Variants in GALNT18 observed in about 807,000 individuals in gnomAD.
GALNT18 encodes GalNAc-transferase 18.
A neutral mutation model predicts 69.5 loss-of-function variants in GALNT18; 44 were observed. That is an observed-to-expected ratio of 0.63 (90% CI 0.50 to 0.81). The LOEUF (loss-of-function observed/expected upper bound fraction) is 0.81, where lower values mean the gene tolerates loss of function less well. GALNT18 is among the 40% of genes least tolerant of loss of function. The pLI is 0.00. For missense variants in GALNT18, 715 were observed against 810.0 expected (o/e 0.88, Z 1.42); for synonymous variants, 364 against 318.2 (o/e 1.14, Z -1.53).
intron 1 of GALNT18, among the ~76,000 whole-genome samples, chr11:11,537,625 G>C (rs1185261600): frequency 6.6e-6 from 1 of 152,134 alleles, no homozygotes; most frequent in Non-Finnish European, 1.5e-5. Context: ...ACTGGGTCTG[G>C]AGGAAGCAGG....
intron 8 of GALNT18, among the ~76,000 whole-genome samples, chr11:11,329,570 G>A (rs1211948052): frequency 1.3e-5 from 2 of 152,202 alleles, no homozygotes; most frequent in South Asian, 2.1e-4. Context: ...AGTCTGGTAT[G>A]AGACCACATT....
intron 3 of GALNT18, among the ~76,000 whole-genome samples, chr11:11,384,569 A>C (rs1854004216): frequency 6.6e-6 from 1 of 152,146 alleles, no homozygotes; most frequent in Admixed American, 6.5e-5. Flanking sequence ...GGTAATACCT[A>C]AATTTTGCAG....
intron 8 of GALNT18, among the ~76,000 whole-genome samples, chr11:11,329,119 A>G (rs1371324042): frequency 6.6e-6 from 1 of 152,110 alleles, no homozygotes; most frequent in Non-Finnish European, 1.5e-5. Flanking sequence ...TCTTCCCTCT[A>G]AAATAGGAAT....
intron 3 of GALNT18, among the ~76,000 whole-genome samples, chr11:11,390,519 A>G (rs1854161839): frequency 1.3e-5 from 2 of 152,158 alleles, no homozygotes; most frequent in South Asian, 4.2e-4. Flanking sequence ...AGGCTCCCAC[A>G]GGCTGTATGT....
At chr11:11,472,319 C>G (rs541585231) in intron 1 of GALNT18, among the ~76,000 whole-genome samples, 1 of 152,258 alleles carries the variant, frequency 6.6e-6, no homozygotes, top group East Asian at 1.9e-4. Flanking sequence ...AGGGGTCACA[C>G]GGGGACAGGG....
intron 1 of GALNT18, among the ~76,000 whole-genome samples, chr11:11,553,690 C>A (rs1197401990): frequency 6.6e-6 from 1 of 151,714 alleles, no homozygotes; most frequent in African/African-American, 2.4e-5. Context: ...TCCCCCCCAG[C>A]ACCCCCACAA....
rs527974116 is a variant in GALNT18 at position 11,436,614 on chromosome 11, C to G, written c.429-3827G>C. Among the ~76,000 whole-genome samples the G allele has an allele frequency of 6.6e-6, 1 of 152,228 alleles. No individual in the cohort carries two copies. Among genetic ancestry groups the G allele is most frequent in the Non-Finnish European group, 1.5e-5 (1 of 68,046 alleles). On this transcript the variant is annotated intron_variant, in intron 2 of 10. Coordinates refer to ENST00000227756, the MANE Select transcript of GALNT18 (RefSeq NM_198516.3). The surrounding 1 kb of genome is among the most constrained non-coding windows in gnomAD (Gnocchi z 4.5). Reference sequence around the variant, plus strand: ...AAATTCCCTTTCAGTTTCCACAAAACACACGTTCATGCCACATCATGACAC... The same window carrying G: ...AAATTCCCTTTCAGTTTCCACAAAAGACACGTTCATGCCACATCATGACAC...
chr11:11,274,645 C>CATAT (rs1848900192), intron 10 of GALNT18, among the ~76,000 whole-genome samples: 1 of 152,200 alleles, frequency 6.6e-6, no homozygotes, highest in African/African-American at 2.4e-5. Flanking sequence ...TGGTTTGCTG[C>CATAT]ACCCATCAAC....
intron 1 of GALNT18, among the ~76,000 whole-genome samples, chr11:11,560,089 CGGGA>C (rs1858445116): frequency 1.2e-4 from 1 of 8,170 alleles, no homozygotes; most frequent in Admixed American, 1.2e-3. Context: ...ATATGATGGG[CGGGA>C]TGGAATGGAA....
rs1280137974 is a variant in GALNT18, at chr11:11,340,384, G to A, written c.1278+435C>T. Among the ~76,000 whole-genome samples, 1 of 152,178 alleles carries A rather than the reference G, an allele frequency of 6.6e-6. No homozygotes were observed. The highest frequency in any genetic ancestry group is 1.5e-5 in the Non-Finnish European group (1 of 68,030). On this transcript the variant is annotated intron_variant, in intron 7 of 10. Transcript: ENST00000227756. This position sits in a 1 kb window ranked among gnomAD's most constrained non-coding sequence, Gnocchi z 4.2. ...AGGCATGTGGATCTTTATAACTCTG[G>A]TCAAAGGTTCAATGGAGAAGTTTGA...
chr11:11,293,533 C>CTTTTTT lies in GALNT18; in HGVS notation c.1513-346_1513-341dup, dbSNP rs34166465. Among the ~76,000 whole-genome samples, 78 of 80,174 alleles carry CTTTTTT rather than the reference C, an allele frequency of 9.7e-4. 3 individuals are homozygous for CTTTTTT. The highest frequency in any genetic ancestry group is 1.5e-3 in the East Asian group (4 of 2,744). 52.6% of individuals were successfully genotyped at this position (80,174 alleles called of 152,430 possible). On this transcript the variant is annotated intron_variant, in intron 9 of 10. Transcript: ENST00000227756. Reference sequence around the variant, plus strand: ...TTCTTCACCCAGTTTACAAACCCCTCTTTTTTTTTTTTTTTTTTTTTTTTG... The same window carrying CTTTTTT: ...TTCTTCACCCAGTTTACAAACCCCTCTTTTTTTTTTTTTTTTTTTTTTTTTTTTTTG...
At position 11,327,064 on chromosome 11, in the gene GALNT18, A is replaced by G. The variant is rs866373578; in HGVS notation, c.1512+22T>C. ...GCACTCATATGCACACTCCTGGCACAGGAATCTCTTAGAGGACTCACCTGA... is the reference window on the plus strand; with the variant it reads ...GCACTCATATGCACACTCCTGGCACGGGAATCTCTTAGAGGACTCACCTGA... On this transcript the variant is annotated intron_variant, in intron 9 of 10. Transcript: ENST00000227756. The G allele has an allele frequency of 3.9e-6, 6 of 1,556,862 alleles. 1 individual carries two copies. The Middle Eastern group carries it at 1.0e-3, about 262-fold the overall frequency.
At chr11:11,514,996 C>G (rs1437623096) in intron 1 of GALNT18, among the ~76,000 whole-genome samples, 1 of 152,200 alleles carries the variant, frequency 6.6e-6, no homozygotes, top group Non-Finnish European at 1.5e-5. Flanking sequence ...TATCAAGAGC[C>G]AACTGTGCAC....
chr11:11,464,011 C>A (rs1181821257), intron 1 of GALNT18, among the ~76,000 whole-genome samples: 1 of 152,124 alleles, frequency 6.6e-6, no homozygotes, highest in African/African-American at 2.4e-5. Context: ...AGGAGGCAGT[C>A]CCGGCCTGCA....
intron 6 of GALNT18, chr11:11,352,328 T>C (rs1457021482): frequency 2.5e-6 from 4 of 1,614,126 alleles, no homozygotes; most frequent in Admixed American, 3.3e-5. Flanking sequence ...GTGGATCTAA[T>C]TCAATGTTGT....
At chr11:11,417,532 C>T (rs1854894528) in intron 3 of GALNT18, among the ~76,000 whole-genome samples, 1 of 152,178 alleles carries the variant, frequency 6.6e-6, no homozygotes, top group Non-Finnish European at 1.5e-5. Flanking sequence ...TTCAGCCCAC[C>T]AAGCATAAAA....
chr11:11,607,179 C>G (rs112501105), intron 1 of GALNT18, among the ~76,000 whole-genome samples: 1 of 152,186 alleles, frequency 6.6e-6, no homozygotes, highest in African/African-American at 2.4e-5. Context: ...AAAGTAATTA[C>G]AAACTCGAAA....
intron 1 of GALNT18, among the ~76,000 whole-genome samples, chr11:11,487,601 T>G (rs1856671104): frequency 6.6e-6 from 1 of 152,210 alleles, no homozygotes; most frequent in African/African-American, 2.4e-5. Flanking sequence ...TCTCCTCTCA[T>G]TCGAGTCCCT....
chr11:11,325,765 A>C (rs1377632634), intron 9 of GALNT18, among the ~76,000 whole-genome samples: 1 of 152,186 alleles, frequency 6.6e-6, no homozygotes, highest in Non-Finnish European at 1.5e-5. Context: ...ACCATTGTTA[A>C]CAATGAGGAA....
Sources: gnomAD v4.1 joint callset for allele counts (sites outside exome capture counted in the v4.1 genomes callset) on GRCh38, gnomAD v4.1.1 for gene constraint, Gnocchi (gnomAD v3.1) non-coding constraint, MANE v1.5 for transcripts, NCBI Gene and HGNC (gene_info 2026-07-23, HGNC 2026-07-21) for gene names.